The following RAI2 variants were observed in gnomAD, a reference collection of about 807,000 sequenced individuals.
RAI2 encodes retinoic acid induced 2.
Under a neutral mutation model 15.3 loss-of-function variants are expected in RAI2, and 5 were observed. The ratio of observed to expected loss-of-function variants is 0.33; its 90% CI spans 0.17 to 0.69. The LOEUF is 0.69. RAI2 is among the 30% of genes least tolerant of loss of function. RAI2 has a pLI of 0.69. For missense variants in RAI2, 424 were observed against 424.7 expected, an observed-to-expected ratio of 1.00 and a Z score of 0.01; for synonymous variants, 191 against 184.0, an observed-to-expected ratio of 1.04 and a Z score of -0.31.
intron 1 of RAI2, among the ~76,000 whole-genome samples, chrX:17,839,752 A>C (rs2067376229): frequency 1.8e-5 from 2 of 112,651 alleles, no homozygotes; most frequent in Admixed American, 9.4e-5. Context: ...AAACAACCTA[A>C]ATGTCAACTG....
chrX:17,842,868 G>A (rs1478068151), intron 1 of RAI2, among the ~76,000 whole-genome samples: 1 of 112,057 alleles, frequency 8.9e-6, no homozygotes, highest in African/African-American at 3.2e-5. Context: ...AGCCAGAAGA[G>A]AAGGATTCCT....
At chrX:17,842,426 T>A (rs1436385339) in intron 1 of RAI2, among the ~76,000 whole-genome samples, 1 of 111,446 alleles carries the variant, frequency 9.0e-6, no homozygotes, top group Non-Finnish European at 1.9e-5. Flanking sequence ...ACTGCTAGGT[T>A]CCACATGCTT....
Position 17,801,012 on chromosome X carries a change from A to C in RAI2, c.999T>G (p.Ser333Arg). 1 of 1,210,979 alleles carries C rather than the reference A, an allele frequency of 8.3e-7. No homozygotes were observed. Among genetic ancestry groups the C allele is most frequent in the Non-Finnish European group, 1.1e-6 (1 of 895,307 alleles). Residue 333 changes from serine to arginine, a missense_variant, in exon 2 of 2, where the codon AGT becomes AGG. Physicochemically the swap from Ser to Arg is moderately radical, Grantham distance 110. Transcript: ENST00000451717. ...CTGCATCTTCCTGGAAGATTGGGGG[A>C]CTGACTTCACCAGCCTTGAGCCAGG... The part of the protein sequence containing the change: ...SVPWLKAGEV[S>R]PPIFQEDAAL...
chrX:17,810,638 G>A (rs2067037789), intron 1 of RAI2, among the ~76,000 whole-genome samples: 1 of 111,873 alleles, frequency 8.9e-6, no homozygotes, highest in Non-Finnish European at 1.9e-5. Flanking sequence ...AGGAGGAATT[G>A]CTGTGGGCCC....
intron 1 of RAI2, among the ~76,000 whole-genome samples, chrX:17,857,811 C>A (rs1380050496): frequency 8.9e-6 from 1 of 111,986 alleles, no homozygotes. Flanking sequence ...GGTGGGGACT[C>A]CAAGATGAAA....
Position 17,800,162 on chromosome X carries a change from C to T in RAI2, c.*256G>A. Reference sequence around the variant, plus strand: ...GCTTTTTTTACCCCTCTAATTCACCCAATATTCCATTAAAGCTGCAAAAAA... The same window carrying T: ...GCTTTTTTTACCCCTCTAATTCACCTAATATTCCATTAAAGCTGCAAAAAA... On this transcript the variant is annotated 3_prime_UTR_variant, in exon 2 of 2. Coordinates refer to ENST00000451717, the MANE Select transcript of RAI2 (RefSeq NM_021785.6). 3.0e-6 allele frequency: 1 copy of T among 334,568 alleles called. No homozygotes were observed. Among genetic ancestry groups the T allele is most frequent in the Non-Finnish European group, 5.1e-6 (1 of 197,755 alleles). 27.6% of individuals were successfully genotyped at this position (334,568 alleles called of 1,213,427 possible). A position where few individuals can be genotyped will look rare whatever the true frequency, so the allele number is the denominator to read the frequency against.
intron 1 of RAI2, among the ~76,000 whole-genome samples, chrX:17,818,041 A>G (rs2067125098): frequency 1.8e-5 from 2 of 111,908 alleles, no homozygotes; most frequent in Admixed American, 9.4e-5. Flanking sequence ...CCAAACTGAC[A>G]CCATGGGGGC....
intron 1 of RAI2, among the ~76,000 whole-genome samples, chrX:17,837,933 G>A (rs1000308353): frequency 8.9e-6 from 1 of 112,133 alleles, no homozygotes; most frequent in Admixed American, 9.4e-5. Flanking sequence ...CCAGATGTCC[G>A]TCAGCAGGAG....
At chrX:17,807,709 G>A (rs967781049) in intron 1 of RAI2, among the ~76,000 whole-genome samples, 6 of 111,957 alleles carry the variant, frequency 5.4e-5, no homozygotes, top group Non-Finnish European at 1.1e-4. Flanking sequence ...GCCACGGGAG[G>A]CTCTGATGGG....
At chrX:17,804,829 TCATC>T in intron 1 of RAI2, among the ~76,000 whole-genome samples, 1 of 112,724 alleles carries the variant, frequency 8.9e-6, no homozygotes, top group African/African-American at 3.2e-5. Flanking sequence ...GTACCAGTTC[TCATC>T]ATTTCCTGTG....
chrX:17,843,144 T>C (rs2067418262), intron 1 of RAI2, among the ~76,000 whole-genome samples: 1 of 111,624 alleles, frequency 9.0e-6, no homozygotes, highest in South Asian at 3.8e-4. Flanking sequence ...TTTTTTAAAG[T>C]GCTGATGTGT....
chrX:17,837,624 G>A (rs773042063), intron 1 of RAI2: 2 of 112,298 alleles, frequency 1.8e-5, no homozygotes, highest in South Asian at 7.5e-4. Context: ...GTGGAATTCT[G>A]TGTCCAGGCA....
At chrX:17,832,735 G>A (rs966779169) in intron 1 of RAI2, among the ~76,000 whole-genome samples, 13 of 112,002 alleles carry the variant, frequency 1.2e-4, no homozygotes, top group Admixed American at 1.1e-3. Flanking sequence ...CCTGCCTGTC[G>A]GTTTCTAAAG....
At chrX:17,832,079 A>T (rs967126606) in intron 1 of RAI2, among the ~76,000 whole-genome samples, 17 of 112,337 alleles carry the variant, frequency 1.5e-4, no homozygotes, top group African/African-American at 4.9e-4. Context: ...GGCAGAGATC[A>T]CCACTGTCTT....
intron 1 of RAI2, chrX:17,860,576 C>T (rs2067675402): frequency 8.9e-6 from 1 of 112,764 alleles, no homozygotes; most frequent in South Asian, 3.6e-4. Flanking sequence ...TCTGGCAAAA[C>T]CCAACTTTCC....
At chrX:17,819,980 A>G (rs1300475401) in intron 1 of RAI2, among the ~76,000 whole-genome samples, 1 of 112,482 alleles carries the variant, frequency 8.9e-6, no homozygotes, top group African/African-American at 3.2e-5. Flanking sequence ...GAAAAGAGAT[A>G]TTAAAAATAC....
Position 17,801,761 on chromosome X carries a change from C to G in RAI2, c.250G>C (p.Gly84Arg), listed in dbSNP as rs780041555. The change falls in exon 2 of 2, where the codon GGG (glycine) becomes CGG (arginine). Residue 84 changes from glycine (G) to arginine (R), a missense_variant. By Grantham distance (125) the Gly-to-Arg change is moderately radical. Coordinates refer to ENST00000451717, the MANE Select transcript of RAI2 (RefSeq NM_021785.6). ...ATGGGCATCACCACTGGGCTCTCCCCGAGGCACAGGGGCTGCAACACAGTG... is the reference window on the plus strand; with the variant it reads ...ATGGGCATCACCACTGGGCTCTCCCGGAGGCACAGGGGCTGCAACACAGTG... ...AATVLQPLCL[G>R]ESPVVMPIHM... is the part of the protein sequence containing the mutation. 1.7e-6 allele frequency: 2 copies of G among 1,211,664 alleles called. No homozygotes were observed. Among genetic ancestry groups the G allele is most frequent in the Non-Finnish European group, 2.2e-6 (2 of 895,459 alleles).
intron 1 of RAI2, among the ~76,000 whole-genome samples, chrX:17,854,470 G>GA (rs1473704358): frequency 8.9e-6 from 1 of 112,093 alleles, no homozygotes; most frequent in Non-Finnish European, 1.9e-5. Flanking sequence ...CTTTGATCAG[G>GA]AAAAACCTAT....
chrX:17,840,212 A>C (rs1335988364), intron 1 of RAI2, among the ~76,000 whole-genome samples: 1 of 111,933 alleles, frequency 8.9e-6, no homozygotes, highest in African/African-American at 3.2e-5. Context: ...ACCAATACTC[A>C]GAGGCAGCTG....
Sources: allele counts gnomAD v4.1 joint callset (sites outside exome capture counted in the v4.1 genomes callset), GRCh38; gene constraint gnomAD v4.1.1; transcripts MANE v1.5; gene names NCBI Gene and HGNC (gene_info 2026-07-23, HGNC 2026-07-21).